The following PDK3 variants were observed in gnomAD, a reference collection of about 807,000 sequenced individuals.
The protein encoded by PDK3 is pyruvate dehydrogenase kinase, isozyme 3.
In PDK3, 12 loss-of-function variants were observed where a neutral mutation model predicts 32.0. The observed-to-expected ratio is 0.37, with a 90% CI of 0.24 to 0.61. The LOEUF is 0.61. Among genes scored for constraint, PDK3 ranks in the 20% least tolerant of loss-of-function variants. The probability of loss-of-function intolerance (pLI) is 0.65; values close to 1 mark genes in which losing one functional copy is unlikely to be tolerated. For synonymous variants in PDK3, 122 were observed against 116.3 expected (o/e 1.05, Z -0.31); for missense variants, 188 against 316.9 (o/e 0.59, Z 3.09).
intron 9 of PDK3, among the ~76,000 whole-genome samples, chrX:24,529,352 GATGAGGAA>G (rs1461863425): frequency 1.8e-5 from 2 of 111,760 alleles, no homozygotes; most frequent in Admixed American, 9.5e-5. Context: ...CCATTGTATA[GATGAGGAA>G]ATGAGGAAAT....
chrX:24,499,640 A>G (rs1171800194), intron 3 of PDK3, among the ~76,000 whole-genome samples: 1 of 111,977 alleles, frequency 8.9e-6, no homozygotes, highest in East Asian at 2.8e-4. Flanking sequence ...AACTAGGGAA[A>G]CACCATGTTA....
rs369307335 is a variant in PDK3 at position 24,540,889 on chromosome X, CTTTTTTTTTTTTTTTTTTTTT to C, written c.*1743_*1763del. ...CTTTACATGCAAAGACCCTAGCTTC[CTTTTTTTTTTTTTTTTTTTTT>C]TTTTTTTTTTTTTTTTTGAGACACA... On this transcript the variant is annotated 3_prime_UTR_variant, in exon 12 of 12. Transcript: ENST00000568479. Among the ~76,000 whole-genome samples, 144 of 36,669 alleles carry C rather than the reference CTTTTTTTTTTTTTTTTTTTTT, an allele frequency of 3.9e-3. 1 individual carries two copies. The highest frequency in any genetic ancestry group is 0.02 in the African/African-American group (113 of 5,708). The allele number at this position is 36,669 out of a possible 115,157, so 31.8% of individuals were successfully genotyped here. A position where few individuals can be genotyped will look rare whatever the true frequency, so the allele number is the denominator to read the frequency against.
exon 12 of PDK3, among the ~76,000 whole-genome samples, chrX:24,541,130 C>T (rs1459239398): frequency 2.8e-5 from 3 of 107,120 alleles, no homozygotes; most frequent in Admixed American, 1.0e-4. Flanking sequence ...AGGCTGGTCT[C>T]GAACTCCTGA....
At chrX:24,506,666 C>T (rs1300505438) in intron 5 of PDK3, among the ~76,000 whole-genome samples, 1 of 110,924 alleles carries the variant, frequency 9.0e-6, no homozygotes, top group Non-Finnish European at 1.9e-5. Context: ...CTTTTAAAAA[C>T]AGCTTTATTG....
rs775201262 is a variant in PDK3, at chrX:24,523,280, C to T, written c.674-2918C>T. 2.7e-5 allele frequency among the ~76,000 whole-genome samples: 3 copies of T among 112,609 alleles called. No individual in the cohort carries two copies. In the East Asian group the frequency reaches 8.4e-4, roughly 32 times the overall value. On this transcript the variant is annotated intron_variant, in intron 6 of 10. Coordinates refer to ENST00000379162, the MANE Select transcript of PDK3 (RefSeq NM_005391.5). ...TCATAACCTAATCACCTCTCACAGG[C>T]CCCATCTCCTAATACCATCACATCA...
At chrX:24,547,523 G>A (rs1361786342) in exon 12 of PDK3, 2 of 112,067 alleles carry the variant, frequency 1.8e-5, no homozygotes, top group Non-Finnish European at 3.8e-5. Context: ...AAATCACAAA[G>A]TATAGTAGAT....
At chrX:24,545,806 G>A (rs1194364135) in exon 12 of PDK3, 5 of 111,781 alleles carry the variant, frequency 4.5e-5, no homozygotes, top group Admixed American at 3.8e-4. Context: ...CATGGCAGGG[G>A]TCAAAGCAGA....
intron 1 of PDK3, among the ~76,000 whole-genome samples, chrX:24,488,607 T>G (rs1921466531): frequency 9.0e-6 from 1 of 111,571 alleles, no homozygotes; most frequent in East Asian, 2.8e-4. Context: ...GAGAATCGCT[T>G]GAACTCAGGA....
At position 24,503,333 on chromosome X, in the gene PDK3, A is replaced by G. The variant is rs187938221; in HGVS notation, c.327A>G (p.Leu109=). The G allele has an allele frequency of 9.2e-6, 11 of 1,198,298 alleles. No individual in the cohort carries two copies. The highest frequency in any genetic ancestry group is 3.5e-5 in the African/African-American group (2 of 57,002). ...TTGTTTCCCTCTCACACAGCTTTCT[A>G]CAAGTTCTGATTAAAGTCAGAAATA... ...PEDPQVLDNF[L]QVLIKVRNRH... Residue 109 remains leucine, a synonymous_variant, in exon 4 of 11, where the codon CTA becomes CTG. Transcript: ENST00000379162.
At chrX:24,526,917 T>C (rs1388171723) in intron 7 of PDK3, among the ~76,000 whole-genome samples, 1 of 112,304 alleles carries the variant, frequency 8.9e-6, no homozygotes, top group Non-Finnish European at 1.9e-5. Context: ...ATTTCATTTC[T>C]TCCAATGCGT....
At chrX:24,498,468 CA>C (rs1221010020) in intron 2 of PDK3, among the ~76,000 whole-genome samples, 1 of 112,148 alleles carries the variant, frequency 8.9e-6, no homozygotes, top group African/African-American at 3.2e-5. Context: ...ATTTCTCTGC[CA>C]AAGTCCTCTA....
chrX:24,485,073 C>T (rs758900442), intron 1 of PDK3, among the ~76,000 whole-genome samples: 3 of 111,971 alleles, frequency 2.7e-5, no homozygotes, highest in South Asian at 3.7e-4. Flanking sequence ...TGGGGCCAGG[C>T]GCTATGGCTC....
At chrX:24,532,587 G>C (rs1021070601) in intron 10 of PDK3, among the ~76,000 whole-genome samples, 1 of 111,037 alleles carries the variant, frequency 9.0e-6, no homozygotes, top group Non-Finnish European at 1.9e-5. Context: ...GGTAATATAG[G>C]CACATAATAA....
intron 6 of PDK3, among the ~76,000 whole-genome samples, chrX:24,521,362 CTG>C (rs1922393734): frequency 9.3e-6 from 1 of 107,777 alleles, no homozygotes; most frequent in African/African-American, 3.4e-5. Context: ...TGAGATAAAA[CTG>C]TGAAAGGAGT....
chrX:24,490,681 A>C (rs1046288734), intron 1 of PDK3, among the ~76,000 whole-genome samples: 4 of 111,219 alleles, frequency 3.6e-5, no homozygotes, highest in African/African-American at 1.3e-4. Context: ...TGTATTGTAC[A>C]ATGTATGGTA....
intron 10 of PDK3, among the ~76,000 whole-genome samples, chrX:24,532,611 A>G (rs1419235049): frequency 1.8e-5 from 2 of 111,943 alleles, no homozygotes; most frequent in Non-Finnish European, 3.8e-5. Context: ...TTTAAAAGCT[A>G]CAAAAGGAAA....
intron 5 of PDK3, among the ~76,000 whole-genome samples, chrX:24,514,957 T>G (rs1922216346): frequency 9.0e-6 from 1 of 111,611 alleles, no homozygotes; most frequent in Non-Finnish European, 1.9e-5. Flanking sequence ...GGGGAATGAG[T>G]CTAGGCCTCT....
rs185013190 is a variant in PDK3, at chrX:24,515,890, C to T, written c.596-3043C>T. ...AAACATTTTTTTTCTCCTCTTACTG[C>T]TGTTTCCTTTTTGCTGTCCCTCATT... On this transcript the variant is annotated intron_variant, in intron 5 of 10. Coordinates refer to ENST00000379162, the MANE Select transcript of PDK3 (RefSeq NM_005391.5). 6.7e-4 allele frequency among the ~76,000 whole-genome samples: 74 copies of T among 110,864 alleles called. 1 individual carries two copies. The highest frequency in any genetic ancestry group is 4.8e-4 in the Admixed American group (5 of 10,405).
intron 8 of PDK3, 129 bp downstream of exon 8, chrX:24,527,804 C>T (rs1922559998): frequency 4.0e-6 from 2 of 494,821 alleles, no homozygotes; most frequent in Non-Finnish European, 6.8e-6. Flanking sequence ...ATGCTAGATC[C>T]TTGGCTTAAG....
Sources: gnomAD v4.1 joint callset for allele counts (sites outside exome capture counted in the v4.1 genomes callset) on GRCh38, gnomAD v4.1.1 for gene constraint, MANE v1.5 for transcripts, NCBI Gene and HGNC (gene_info 2026-07-23, HGNC 2026-07-21) for gene names.